Variants in ARGLU1 observed in about 807,000 individuals in gnomAD.
ARGLU1 encodes the protein arginine and glutamate-rich protein 1.
Under a neutral mutation model 37.6 loss-of-function variants are expected in ARGLU1, and 9 were observed. That is an observed-to-expected ratio of 0.24 (90% CI 0.14 to 0.42). ARGLU1 has a LOEUF of 0.42. Ranked by LOEUF, ARGLU1 falls within the 10% of genes least tolerant of loss-of-function variation. The pLI is 1.00. For missense variants in ARGLU1, 211 were observed against 359.2 expected (o/e 0.59, Z 3.34); for synonymous variants, 166 against 138.5 (o/e 1.20, Z -1.39).
intron 1 of ARGLU1, among the ~76,000 whole-genome samples, chr13:106,566,936 C>T (rs1254213993): frequency 1.4e-5 from 2 of 145,982 alleles, no homozygotes; most frequent in Non-Finnish European, 3.0e-5. Context: ...AAGGTCTATG[C>T]TTTTTTTTTT....
intron 1 of ARGLU1, among the ~76,000 whole-genome samples, chr13:106,564,244 G>C (rs973794621): frequency 1.6e-4 from 25 of 152,240 alleles, no homozygotes; most frequent in South Asian, 4.1e-4. Flanking sequence ...GCTCGGTCTG[G>C]CTCCATGTAA....
At position 106,559,427 on chromosome 13, in the gene ARGLU1, G is replaced by A. The variant is rs1880739141; in HGVS notation, c.573+5C>T. On this transcript the variant is annotated splice_donor_5th_base_variant and intron_variant, in intron 2 of 3. Transcript: ENST00000400198. ...GTCTCTACTTTCCAAACGACCGAGC[G>A]TTACCTCTCTAGCTTTTTGTGCGGC... is the stretch of plus-strand genomic sequence containing the variant. 2 of 1,613,936 alleles carry A rather than the reference G, an allele frequency of 1.2e-6. No homozygotes were observed. Among genetic ancestry groups the A allele is most frequent in the Non-Finnish European group, 1.7e-6 (2 of 1,180,024 alleles).
chr13:106,558,787 T>C, intron 2 of ARGLU1: 3 of 985,326 alleles, frequency 3.0e-6, no homozygotes, highest in Non-Finnish European at 3.6e-6. Context: ...TAGTAGATAC[T>C]AAAAAAAGTG....
intron 1 of ARGLU1, among the ~76,000 whole-genome samples, chr13:106,561,612 A>G (rs554095255): frequency 3.0e-4 from 46 of 152,218 alleles, no homozygotes; most frequent in Non-Finnish European, 1.5e-4. Flanking sequence ...AGGATAATGT[A>G]ACACAGTTCC....
chr13:106,550,548 C>T (rs1880508346), intron 3 of ARGLU1, among the ~76,000 whole-genome samples: 1 of 152,204 alleles, frequency 6.6e-6, no homozygotes, highest in Admixed American at 6.5e-5. Context: ...ACCATTTCAA[C>T]TTATAGAAAT....
rs918061780 is a variant in ARGLU1, at chr13:106,543,153, A to G, written c.*843T>C. 1 of 152,358 alleles carries G rather than the reference A, an allele frequency of 6.6e-6. No homozygotes were observed. Among genetic ancestry groups the G allele is most frequent in the African/African-American group, 2.4e-5 (1 of 41,456 alleles). The allele number at this position is 152,358 out of a possible 1,614,324, so 9.4% of individuals were successfully genotyped here. A position where few individuals can be genotyped will look rare whatever the true frequency, so the allele number is the denominator to read the frequency against. ...CTATCAGCATAAAGTTGATATTTGT[A>G]AAAATAGCCATTAAATACTAATTCA... On this transcript the variant is annotated 3_prime_UTR_variant, in exon 4 of 4. Transcript: ENST00000400198.
chr13:106,566,036 A>C (rs983942102), intron 1 of ARGLU1, among the ~76,000 whole-genome samples: 8 of 152,232 alleles, frequency 5.3e-5, no homozygotes, highest in African/African-American at 1.7e-4. Flanking sequence ...GCAATGTCTT[A>C]GGTAACTTTT....
At position 106,567,533 on chromosome 13, in the gene ARGLU1, C is replaced by T. The variant is rs986440210; in HGVS notation, c.347+40G>A. ...CCCCACGCCCTCGCCCCGCGCCCTG[C>T]TCTCCGCACGCCCCGGTCCCTCCCC... On this transcript the variant is annotated intron_variant, in intron 1 of 3. Transcript: ENST00000400198. The surrounding 1 kb of genome is among the most constrained non-coding windows in gnomAD (Gnocchi z 4.3). 4 of 1,437,030 alleles carry T rather than the reference C, an allele frequency of 2.8e-6. No homozygotes were observed. Among genetic ancestry groups the T allele is most frequent in the Admixed American group, 1.7e-5 (1 of 58,712 alleles). The allele number at this position is 1,437,030 out of a possible 1,614,324, so 89.0% of individuals were successfully genotyped here. A position where few individuals can be genotyped will look rare whatever the true frequency, so the allele number is the denominator to read the frequency against.
At chr13:106,555,336 G>T (rs1463625819) in intron 3 of ARGLU1, among the ~76,000 whole-genome samples, 1 of 152,068 alleles carries the variant, frequency 6.6e-6, no homozygotes, top group African/African-American at 2.4e-5. Flanking sequence ...ACTTCAGCCT[G>T]GGCAACAAGA....
chr13:106,547,928 A>G (rs1001993318), intron 3 of ARGLU1, among the ~76,000 whole-genome samples: 3 of 152,204 alleles, frequency 2.0e-5, no homozygotes, highest in African/African-American at 7.2e-5. Context: ...TAGATTGGGT[A>G]AAGAATCAAG....
rs572715969 is a variant in ARGLU1, at chr13:106,558,225, T to C, written c.574-1094A>G. The C allele has an allele frequency of 3.0e-6, 3 of 984,536 alleles. No homozygotes were observed. In the East Asian group the frequency reaches 3.4e-4, roughly 112 times the overall value. The allele number at this position is 984,536 out of a possible 1,614,324, so 61.0% of individuals were successfully genotyped here. The stretch of plus-strand genomic sequence containing the variant: ...AGACAGCACCATTACTCCAAAAATA[T>C]CTTCATTATTAAAAGCACTGATATA... On this transcript the variant is annotated intron_variant, in intron 2 of 3. Transcript: ENST00000400198.
At chr13:106,552,117 T>C (rs1287876600) in intron 3 of ARGLU1, among the ~76,000 whole-genome samples, 2 of 152,230 alleles carry the variant, frequency 1.3e-5, no homozygotes, top group African/African-American at 4.8e-5. Context: ...CTCTGGTTTA[T>C]TTCAAACTTA....
At position 106,567,969 on chromosome 13, in the gene ARGLU1, G is replaced by A. The variant is rs1881024423; in HGVS notation, c.-50C>T. On this transcript the variant is annotated 5_prime_UTR_variant, in exon 1 of 4. Coordinates refer to ENST00000400198, the MANE Select transcript of ARGLU1 (RefSeq NM_018011.4). This position sits in a 1 kb window ranked among gnomAD's most constrained non-coding sequence, Gnocchi z 4.3. Reference sequence around the variant, plus strand: ...TCGCCTCAGGCCCCTCACGCGGCCAGTTCCCCTCGCCTCCGCCTTCGGACG... The same window carrying A: ...TCGCCTCAGGCCCCTCACGCGGCCAATTCCCCTCGCCTCCGCCTTCGGACG... 1.3e-6 allele frequency: 2 copies of A among 1,537,712 alleles called. No individual in the cohort carries two copies. Among genetic ancestry groups the A allele is most frequent in the Non-Finnish European group, 1.7e-6 (2 of 1,155,626 alleles).
intron 3 of ARGLU1, among the ~76,000 whole-genome samples, chr13:106,548,862 C>T (rs1880461415): frequency 1.3e-5 from 2 of 152,172 alleles, no homozygotes; most frequent in Admixed American, 6.5e-5. Flanking sequence ...GATTCTCCTG[C>T]CTCAGCCTCC....
At chr13:106,546,267 G>A (rs1390506276) in intron 3 of ARGLU1, among the ~76,000 whole-genome samples, 2 of 152,102 alleles carry the variant, frequency 1.3e-5, no homozygotes, top group East Asian at 3.9e-4. Context: ...ACTCTTTCTT[G>A]TTCTCAAATT....
intron 3 of ARGLU1, 26 bp from the exon 4 acceptor site, chr13:106,544,186 T>C: frequency 6.6e-7 from 1 of 1,507,836 alleles, no homozygotes; most frequent in Non-Finnish European, 8.8e-7. Flanking sequence ...AAAAATTAAT[T>C]ATAGAAATGT....
Position 106,567,893 on chromosome 13 carries a change from C to A in ARGLU1, c.27G>T (p.Ser9=). 1.2e-6 allele frequency: 2 copies of A among 1,610,150 alleles called. No individual in the cohort carries two copies. The highest frequency in any genetic ancestry group is 1.7e-6 in the Non-Finnish European group (2 of 1,179,498). The change falls in exon 1 of 4, where the codon TCG becomes TCT. Residue 9 remains serine, a synonymous_variant. Coordinates refer to ENST00000400198, the MANE Select transcript of ARGLU1 (RefSeq NM_018011.4). The surrounding 1 kb of genome is among the most constrained non-coding windows in gnomAD (Gnocchi z 4.3). MGRSRSRS[S]SRSKHTKSSK... ...TGCTCTTGGTGTGCTTGGAGCGGGA[C>A]GAGCTCCGGCTCCGAGACCGGCCCA...
At chr13:106,564,823 AT>A (rs1277047211) in intron 1 of ARGLU1, among the ~76,000 whole-genome samples, 1 of 152,134 alleles carries the variant, frequency 6.6e-6, no homozygotes, top group Non-Finnish European at 1.5e-5. Context: ...CCATTCTCTT[AT>A]CCCCTTTCCC....
At position 106,567,499 on chromosome 13, in the gene ARGLU1, CCGCCCCGGCCCCACGCCCT is replaced by C; in HGVS notation, c.347+55_347+73del. On this transcript the variant is annotated intron_variant, in intron 1 of 3. Transcript: ENST00000400198. This position sits in a 1 kb window ranked among gnomAD's most constrained non-coding sequence, Gnocchi z 4.3. ...CGCCATTCTCCCGGCCCGCACCGTC[CCGCCCCGGCCCCACGCCCT>C]CGCCCCGCGCCCTGCTCTCCGCACG... The C allele has an allele frequency of 8.9e-7, 1 of 1,127,984 alleles. No homozygotes were observed. The highest frequency in any genetic ancestry group is 1.3e-5 in the South Asian group (1 of 78,078). The allele number at this position is 1,127,984 out of a possible 1,614,324, so 69.9% of individuals were successfully genotyped here.
Sources: gnomAD v4.1 joint callset for allele counts (sites outside exome capture counted in the v4.1 genomes callset) on GRCh38, gnomAD v4.1.1 for gene constraint, Gnocchi (gnomAD v3.1) non-coding constraint, MANE v1.5 for transcripts, NCBI Gene and HGNC (gene_info 2026-07-23, HGNC 2026-07-21) for gene names.